The following PARD3B variants were observed in gnomAD, a reference collection of about 807,000 sequenced individuals.
PARD3B encodes partitioning defective 3 homolog B.
A neutral mutation model predicts 130.2 loss-of-function variants in PARD3B; 103 were observed. That is an observed-to-expected ratio of 0.79 (90% confidence interval 0.67 to 0.93). PARD3B has a LOEUF of 0.93. Ranked by LOEUF, PARD3B falls within the 40% of genes least tolerant of loss-of-function variation. The pLI, the probability that PARD3B is intolerant of heterozygous loss-of-function variation, is 0.00. For synonymous variants in PARD3B, 583 were observed against 553.2 expected, an observed-to-expected ratio of 1.05 and a Z score of -0.76; for missense variants, 1,609 against 1,499.2, an observed-to-expected ratio of 1.07 and a Z score of -1.21.
At chr2:205,192,521 T>G (rs1213803258) in intron 14 of PARD3B, among the ~76,000 whole-genome samples, 1 of 152,168 alleles carries the variant, frequency 6.6e-6, no homozygotes, top group Non-Finnish European at 1.5e-5. Context: ...CCCTCTATCC[T>G]CAAGCAAAAT....
intron 3 of PARD3B, among the ~76,000 whole-genome samples, chr2:205,047,136 A>G (rs1324368068): frequency 1.3e-5 from 2 of 152,228 alleles, no homozygotes; most frequent in Non-Finnish European, 2.9e-5. Flanking sequence ...GGTCTATATC[A>G]TCATTCAAAA....
rs1376108391 is a variant in PARD3B at position 204,975,445 on chromosome 2, CCTT to C, written c.394+10125_394+10127del. On this transcript the variant is annotated intron_variant, in intron 3 of 22. Transcript: ENST00000406610. ...AATGTCTATGCATCCATCCATCCATCCTTCTCCCTGAAGACACTCCAGTCAGAT... is the reference window on the plus strand; with the variant it reads ...AATGTCTATGCATCCATCCATCCATCCTCCCTGAAGACACTCCAGTCAGAT... Among the ~76,000 whole-genome samples, 51 of 152,308 alleles carry C rather than the reference CCTT, an allele frequency of 3.3e-4. No homozygotes were observed. In the South Asian group the frequency reaches 0.01, roughly 31 times the overall value.
intron 2 of PARD3B, among the ~76,000 whole-genome samples, chr2:204,796,683 G>A (rs2042386301): frequency 6.6e-6 from 1 of 152,152 alleles, no homozygotes. Flanking sequence ...TGTCACACAA[G>A]TTCTTGTGAA....
intron 3 of PARD3B, among the ~76,000 whole-genome samples, chr2:205,013,025 A>G (rs1695848168): frequency 6.6e-6 from 1 of 152,250 alleles, no homozygotes; most frequent in Admixed American, 6.5e-5. Flanking sequence ...TGATAGACTT[A>G]AAATCTACGT....
At chr2:205,380,190 T>TA (rs1170884542) in intron 18 of PARD3B, among the ~76,000 whole-genome samples, 1 of 111,592 alleles carries the variant, frequency 9.0e-6, no homozygotes, top group Non-Finnish European at 1.7e-5. Context: ...GTAAAGAATA[T>TA]ATATTATATA....
intron 21 of PARD3B, among the ~76,000 whole-genome samples, chr2:205,511,943 T>C (rs1052590529): frequency 3.3e-5 from 5 of 152,220 alleles, no homozygotes; most frequent in Non-Finnish European, 5.9e-5. Flanking sequence ...AGAGTCGTTC[T>C]GAGATTTAAC....
chr2:205,298,457 T>G lies in PARD3B; in HGVS notation c.2186-2073T>G, dbSNP rs139734611. 6.6e-3 allele frequency among the ~76,000 whole-genome samples: 1,000 copies of G among 150,950 alleles called. 8 individuals are homozygous for G. Among genetic ancestry groups the G allele is most frequent in the Middle Eastern group, 0.014 (4 of 294 alleles). On this transcript the variant is annotated intron_variant, in intron 16 of 22. Coordinates refer to ENST00000406610, the MANE Select transcript of PARD3B (RefSeq NM_001302769.2). Reference sequence around the variant, plus strand: ...TGACATATCCTCAGTATTTATGACTTGCAAGTAACACCTGAAATTTGTCCC... The same window carrying G: ...TGACATATCCTCAGTATTTATGACTGGCAAGTAACACCTGAAATTTGTCCC...
At position 205,288,669 on chromosome 2, in the gene PARD3B, C is replaced by G. The variant is rs533571906; in HGVS notation, c.2186-11861C>G. Among the ~76,000 whole-genome samples the G allele has an allele frequency of 6.6e-6, 1 of 152,104 alleles. No individual in the cohort carries two copies. The highest frequency in any genetic ancestry group is 1.5e-5 in the Non-Finnish European group (1 of 68,012). ...ATCTCTACCACATTGTTTTTTGTTA[C>G]TAGTCACTCCATCCTCCCGGTGTCC... On this transcript the variant is annotated intron_variant, in intron 16 of 22. Coordinates refer to ENST00000406610, the MANE Select transcript of PARD3B (RefSeq NM_001302769.2). This position sits in a 1 kb window ranked among gnomAD's most constrained non-coding sequence, Gnocchi z 4.0.
At chr2:204,596,754 C>A (rs1464410726) in intron 1 of PARD3B, among the ~76,000 whole-genome samples, 1 of 152,110 alleles carries the variant, frequency 6.6e-6, no homozygotes, top group East Asian at 1.9e-4. Flanking sequence ...CATGGAGAAA[C>A]CCCGTCTCTA....
At chr2:205,462,867 A>G (rs1002301004) in intron 20 of PARD3B, among the ~76,000 whole-genome samples, 1 of 152,180 alleles carries the variant, frequency 6.6e-6, no homozygotes, top group Non-Finnish European at 1.5e-5. Flanking sequence ...GCCATTCATC[A>G]AATCTCAGAC....
At chr2:205,398,533 T>C (rs2046119252) in intron 18 of PARD3B, among the ~76,000 whole-genome samples, 1 of 151,838 alleles carries the variant, frequency 6.6e-6, no homozygotes, top group African/African-American at 2.4e-5. Flanking sequence ...AAAACTACAG[T>C]AGGAGTAGAG....
chr2:204,651,876 G>T (rs1484259082), intron 1 of PARD3B, among the ~76,000 whole-genome samples: 1 of 152,184 alleles, frequency 6.6e-6, no homozygotes, highest in Non-Finnish European at 1.5e-5. Context: ...AGCTGTTAAG[G>T]CTTGGGGCTT....
chr2:204,854,410 T>A (rs2044835835), intron 2 of PARD3B, among the ~76,000 whole-genome samples: 1 of 152,112 alleles, frequency 6.6e-6, no homozygotes, highest in Non-Finnish European at 1.5e-5. Context: ...AATGAAGGAA[T>A]CTAGTTTGGA....
chr2:205,118,662 A>C (rs2125612361), intron 6 of PARD3B, among the ~76,000 whole-genome samples: 1 of 152,270 alleles, frequency 6.6e-6, no homozygotes, highest in South Asian at 2.1e-4. Context: ...GCCTTTCAAT[A>C]AGTTTACTGC....
At chr2:205,022,256 A>G (rs1251955148) in intron 3 of PARD3B, among the ~76,000 whole-genome samples, 2 of 152,208 alleles carry the variant, frequency 1.3e-5, no homozygotes, top group African/African-American at 2.4e-5. Flanking sequence ...TTCTCTAATC[A>G]TTCCAATTTA....
intron 20 of PARD3B, among the ~76,000 whole-genome samples, chr2:205,465,384 A>G (rs1029965520): frequency 1.4e-4 from 21 of 152,306 alleles, no homozygotes; most frequent in Middle Eastern, 3.4e-3. Flanking sequence ...TTATCAGGTG[A>G]GCCAGGATTT....
chr2:205,519,341 A>G (rs1473775524), intron 21 of PARD3B, among the ~76,000 whole-genome samples: 1 of 152,056 alleles, frequency 6.6e-6, no homozygotes, highest in Non-Finnish European at 1.5e-5. Flanking sequence ...AAGCTCTGAG[A>G]TTCTTTCCTG....
At position 205,291,835 on chromosome 2, in the gene PARD3B, T is replaced by C. The variant is rs2041619428; in HGVS notation, c.2186-8695T>C. Among the ~76,000 whole-genome samples the C allele has an allele frequency of 6.6e-6, 1 of 152,214 alleles. No homozygotes were observed. Among genetic ancestry groups the C allele is most frequent in the Non-Finnish European group, 1.5e-5 (1 of 68,038 alleles). On this transcript the variant is annotated intron_variant, in intron 16 of 22. Coordinates refer to ENST00000406610, the MANE Select transcript of PARD3B (RefSeq NM_001302769.2). The surrounding 1 kb of genome is among the most constrained non-coding windows in gnomAD (Gnocchi z 4.6). Reference sequence around the variant, plus strand: ...CTAAGGATGTGGTCAAACAACTGTTTGATAAGGAGATTAGTATGGATCAGC... The same window carrying C: ...CTAAGGATGTGGTCAAACAACTGTTCGATAAGGAGATTAGTATGGATCAGC...
chr2:204,571,525 CATA>C lies in PARD3B; in HGVS notation c.120+25412_120+25414del, dbSNP rs557502482. 2.6e-4 allele frequency among the ~76,000 whole-genome samples: 39 copies of C among 152,294 alleles called. No individual in the cohort carries two copies. The East Asian group carries it at 7.3e-3, about 29-fold the overall frequency. On this transcript the variant is annotated intron_variant, in intron 1 of 22. Transcript: ENST00000406610. ...AACAATTTCTGAGCTCTAAGTTTCT[CATA>C]ATAATTCCCTTCCCATAAGTAGGGT...
Sources: gnomAD v4.1 joint callset for allele counts (sites outside exome capture counted in the v4.1 genomes callset) on GRCh38, gnomAD v4.1.1 for gene constraint, Gnocchi (gnomAD v3.1) non-coding constraint, MANE v1.5 for transcripts, NCBI Gene and HGNC (gene_info 2026-07-23, HGNC 2026-07-21) for gene names.